ANXA6: variants seen among roughly 807,000 people sequenced by gnomAD.
ANXA6 encodes the protein 67 kDa calelectrin.
A neutral mutation model predicts 95.4 loss-of-function variants in ANXA6; 71 were observed. The observed-to-expected ratio is 0.74, with a 90% CI of 0.61 to 0.91. ANXA6 has a LOEUF of 0.91. Ranked by LOEUF, ANXA6 falls within the 40% of genes least tolerant of loss-of-function variation. The pLI is 0.00. For synonymous variants in ANXA6, 289 were observed against 315.9 expected (o/e 0.91, Z 0.90); for missense variants, 830 against 876.4 (o/e 0.95, Z 0.67).
intron 20 of ANXA6, among the ~76,000 whole-genome samples, chr5:151,116,296 C>T (rs953586724): frequency 6.6e-6 from 1 of 152,168 alleles, no homozygotes; most frequent in African/African-American, 2.4e-5. Context: ...GCCCCACATC[C>T]CTGGACACAG....
At chr5:151,131,095 G>A (rs968959223) in intron 11 of ANXA6, 136 bp downstream of exon 11, 2 of 850,586 alleles carry the variant, frequency 2.4e-6, no homozygotes, top group Non-Finnish European at 3.7e-6. Flanking sequence ...GCTCACCTGC[G>A]ACAGAGCACC....
At chr5:151,136,580 T>C (rs1444903077) in intron 6 of ANXA6, among the ~76,000 whole-genome samples, 2 of 152,228 alleles carry the variant, frequency 1.3e-5, no homozygotes, top group Non-Finnish European at 2.9e-5. Context: ...GGACAGTGGC[T>C]ACAGCTTTCC....
At position 151,108,608 on chromosome 5, in the gene ANXA6, C is replaced by G. The variant is rs536968203; in HGVS notation, c.1685-58G>C. 8 of 1,479,644 alleles carry G rather than the reference C, an allele frequency of 5.4e-6. No individual in the cohort carries two copies. The South Asian group carries it at 9.1e-5, about 17-fold the overall frequency. The allele number at this position is 1,479,644 out of a possible 1,614,324, so 91.7% of individuals were successfully genotyped here. On this transcript the variant is annotated intron_variant, in intron 22 of 25. Coordinates refer to ENST00000354546, the MANE Select transcript of ANXA6 (RefSeq NM_001155.5). ...GAGCTTCAGTGCAGGAGGCGGAGGA[C>G]CCCTCCTCAGCCCCACCCAGTGCCT... is the stretch of plus-strand genomic sequence containing the variant.
At chr5:151,143,287 G>A (rs189633505) in intron 2 of ANXA6, among the ~76,000 whole-genome samples, 1 of 152,234 alleles carries the variant, frequency 6.6e-6, no homozygotes, top group East Asian at 1.9e-4. Flanking sequence ...ATAGCCCACT[G>A]CTTCCTCCTG....
intron 2 of ANXA6, among the ~76,000 whole-genome samples, chr5:151,147,590 G>A (rs1766003780): frequency 6.6e-6 from 1 of 152,206 alleles, no homozygotes; most frequent in Non-Finnish European, 1.5e-5. Context: ...GCAGAATCTT[G>A]ACACTATCAT....
At chr5:151,124,886 C>G (rs989830245) in intron 14 of ANXA6, among the ~76,000 whole-genome samples, 1 of 152,232 alleles carries the variant, frequency 6.6e-6, no homozygotes, top group African/African-American at 2.4e-5. Context: ...TATGCCATCT[C>G]TTAATGGTTT....
intron 7 of ANXA6, 120 bp from the exon 8 acceptor site, chr5:151,134,603 G>T: frequency 1.1e-6 from 1 of 934,286 alleles, no homozygotes; most frequent in Non-Finnish European, 1.8e-6. Flanking sequence ...GTGTCCAGAA[G>T]CAGTGACTGC....
At chr5:151,106,721 A>C (rs1301717537) in intron 23 of ANXA6, among the ~76,000 whole-genome samples, 1 of 152,110 alleles carries the variant, frequency 6.6e-6, no homozygotes, top group African/African-American at 2.4e-5. Flanking sequence ...CACCTCCAGG[A>C]AGCCTTCCCT....
At chr5:151,134,846 C>G (rs971638844) in intron 7 of ANXA6, among the ~76,000 whole-genome samples, 2 of 152,194 alleles carry the variant, frequency 1.3e-5, no homozygotes, top group African/African-American at 4.8e-5. Context: ...TGGCCCATGA[C>G]ACTCCTCCAG....
intron 22 of ANXA6, among the ~76,000 whole-genome samples, chr5:151,109,117 C>A (rs963496086): frequency 8.1e-5 from 12 of 148,150 alleles, no homozygotes; most frequent in African/African-American, 3.1e-4. Flanking sequence ...TGCCTGAGGT[C>A]ACATGGCTGT....
At chr5:151,134,305 G>T in intron 8 of ANXA6, 122 bp downstream of exon 8, 1 of 903,360 alleles carries the variant, frequency 1.1e-6, no homozygotes, top group Non-Finnish European at 1.8e-6. Flanking sequence ...GACAGCTGTG[G>T]CTGGGTTATT....
In ANXA6 at chr5:151,109,826, A is replaced by C. The variant is rs1375075858; in HGVS notation, c.1611T>G (p.Ser537Arg). The change falls in exon 22 of 26, where the codon AGT becomes AGG. Residue 537 changes from serine to arginine, a missense_variant. Transcript: ENST00000354546. ...AEILEIADTP[S>R]GDKTSLETRF... ...GTGTCTCCAAGGAAGTTTTGTCTCC[A>C]CTAGGTGTGTCTGCTATTTCCTGCA... is the stretch of plus-strand genomic sequence containing the variant. 6 of 1,609,210 alleles carry C rather than the reference A, an allele frequency of 3.7e-6. No homozygotes were observed. Among genetic ancestry groups the C allele is most frequent in the Non-Finnish European group, 3.4e-6 (4 of 1,177,538 alleles).
intron 25 of ANXA6, among the ~76,000 whole-genome samples, chr5:151,102,688 A>G (rs933440394): frequency 6.6e-6 from 1 of 152,222 alleles, no homozygotes; most frequent in Non-Finnish European, 1.5e-5. Context: ...TGGGCGACAG[A>G]GCAAGACTCC....
Position 151,124,311 on chromosome 5 carries a change from C to T in ANXA6, c.1113G>A (p.Ala371=), listed in dbSNP as rs138779149. 9,014 of 1,613,618 alleles carry T rather than the reference C, an allele frequency of 5.6e-3. 43 individuals are homozygous for T. Among genetic ancestry groups the T allele is most frequent in the Non-Finnish European group, 6.8e-3 (8,071 of 1,179,782 alleles). The change falls in exon 15 of 26, where the codon GCG becomes GCA. Residue 371 remains alanine (A), a synonymous_variant. Coordinates refer to ENST00000354546, the MANE Select transcript of ANXA6 (RefSeq NM_001155.5). The stretch of plus-strand genomic sequence containing the variant: ...CGAGTCCCTTCATGGCTTTCCGCAG[C>T]GCTTTGGCATCTGCGTCAGGGTTGA... The part of the protein sequence containing the change: ...NDFNPDADAK[A]LRKAMKGLGT...
Position 151,101,384 on chromosome 5 carries a change from C to T in ANXA6, c.*64G>A. On this transcript the variant is annotated 3_prime_UTR_variant, in exon 26 of 26. Coordinates refer to ENST00000354546, the MANE Select transcript of ANXA6 (RefSeq NM_001155.5). ...AGTCTCTGGAGCTGGAACAATCAGG[C>T]TTGGCCATGGCGGCTGGTGCTGATA... 9.3e-7 allele frequency: 1 copy of T among 1,071,922 alleles called. No individual in the cohort carries two copies. 66.4% of individuals were successfully genotyped at this position (1,071,922 alleles called of 1,614,324 possible).
At chr5:151,129,697 T>TTTTGTTTGTTTGTTTG (rs35609303) in intron 11 of ANXA6, among the ~76,000 whole-genome samples, 168 bp from the exon 12 acceptor site, 97 of 149,292 alleles carry the variant, frequency 6.5e-4, no homozygotes, top group Middle Eastern at 3.4e-3. Context: ...CCTCTTACTG[T>TTTTGTTTGTTTGTTTG]TTTGTTTGTT....
intron 20 of ANXA6, 79 bp from the exon 21 acceptor site, chr5:151,110,723 C>T: frequency 6.5e-7 from 1 of 1,536,038 alleles, no homozygotes; most frequent in Admixed American, 1.7e-5. Flanking sequence ...GTGCTGGGGC[C>T]CTGGGGTGCA....
At chr5:151,126,565 C>CAT in intron 13 of ANXA6, 85 bp from the exon 14 acceptor site, 1 of 803,102 alleles carries the variant, frequency 1.2e-6, no homozygotes, top group Non-Finnish European at 2.0e-6. Context: ...CACACACACA[C>CAT]ACACACCCCA....
intron 1 of ANXA6, among the ~76,000 whole-genome samples, chr5:151,152,319 T>C (rs1454736223): frequency 6.6e-6 from 1 of 152,232 alleles, no homozygotes; most frequent in Non-Finnish European, 1.5e-5. Context: ...GCTTTTATTA[T>C]AATAAGCCCA....
Sources: allele counts gnomAD v4.1 joint callset (sites outside exome capture counted in the v4.1 genomes callset), GRCh38; gene constraint gnomAD v4.1.1; transcripts MANE v1.5; gene names NCBI Gene and HGNC (gene_info 2026-07-23, HGNC 2026-07-21).